CACNA1C: variants seen among roughly 807,000 people sequenced by gnomAD.
CACNA1C encodes the protein calcium voltage-gated channel subunit alpha1 C, also known as voltage-dependent L-type calcium channel subunit alpha-1C.
In CACNA1C, 30 loss-of-function variants were observed where a neutral mutation model predicts 229.0. That is an observed-to-expected ratio of 0.13 (90% CI 0.10 to 0.18). CACNA1C has a LOEUF of 0.18. Ranked by LOEUF, CACNA1C falls within the 10% of genes least tolerant of loss-of-function variation. The pLI is 1.00. For synonymous variants in CACNA1C, 1,114 were observed against 1,132.5 expected (o/e 0.98, Z 0.33); for missense variants, 1,658 against 2,845.0 (o/e 0.58, Z 9.49).
chr12:2,332,129 TC>T (rs2096567163), intron 3 of CACNA1C, among the ~76,000 whole-genome samples: 1 of 152,216 alleles, frequency 6.6e-6, no homozygotes, highest in Admixed American at 6.5e-5. Context: ...ATAAAGGACA[TC>T]CTGTTTGGAA....
At chr12:2,208,283 C>T (rs1416356509) in intron 3 of CACNA1C, among the ~76,000 whole-genome samples, 3 of 152,204 alleles carry the variant, frequency 2.0e-5, no homozygotes, top group African/African-American at 7.2e-5. Context: ...CAACATGATT[C>T]AAGGTAGAAA....
chr12:2,629,739 G>C (rs1190184702), intron 29 of CACNA1C, among the ~76,000 whole-genome samples: 1 of 152,190 alleles, frequency 6.6e-6, no homozygotes, highest in African/African-American at 2.4e-5. Context: ...TCAGGGCATG[G>C]ACAACCAAAA....
chr12:2,237,790 C>T (rs938637993), intron 3 of CACNA1C, among the ~76,000 whole-genome samples: 3 of 152,250 alleles, frequency 2.0e-5, no homozygotes, highest in Non-Finnish European at 2.9e-5. Context: ...GCCAACAGCA[C>T]TGTTTTTACT....
At position 2,354,628 on chromosome 12, in the gene CACNA1C, T is replaced by C. The variant is rs184623504; in HGVS notation, c.478-94348T>C. Among the ~76,000 whole-genome samples, 463 of 152,098 alleles carry C rather than the reference T, an allele frequency of 3.0e-3. 5 individuals are homozygous for C. Among genetic ancestry groups the C allele is most frequent in the African/African-American group, 0.011 (444 of 41,492 alleles). On this transcript the variant is annotated intron_variant, in intron 3 of 46. Coordinates refer to ENST00000399655, the MANE Select transcript of CACNA1C (RefSeq NM_000719.7). The surrounding 1 kb of genome is among the most constrained non-coding windows in gnomAD (Gnocchi z 4.6). ...TGGTTGGGAGAGCCCAGGAACGGAG[T>C]CCATCCTTTCTCCTGGCCTCCAGGG...
chr12:2,394,276 C>CTGG (rs1345913563), intron 3 of CACNA1C, among the ~76,000 whole-genome samples: 2 of 152,206 alleles, frequency 1.3e-5, no homozygotes, highest in African/African-American at 2.4e-5. Flanking sequence ...GACGCAGGAG[C>CTGG]TGGTCCCTGG....
At chr12:2,501,039 T>C (rs1464982943) in intron 7 of CACNA1C, among the ~76,000 whole-genome samples, 9 of 146,716 alleles carry the variant, frequency 6.1e-5, no homozygotes, top group Non-Finnish European at 1.2e-4. Flanking sequence ...ACCCCGTCTC[T>C]ACTTTAAAAA....
At chr12:2,192,971 CTG>C (rs1263951944) in intron 3 of CACNA1C, among the ~76,000 whole-genome samples, 2 of 152,240 alleles carry the variant, frequency 1.3e-5, no homozygotes, top group Non-Finnish European at 2.9e-5. Flanking sequence ...TTTTAAACAG[CTG>C]TCTGTTTGAG....
intron 3 of CACNA1C, among the ~76,000 whole-genome samples, chr12:2,188,635 A>G (rs2097117306): frequency 6.6e-6 from 1 of 152,166 alleles, no homozygotes; most frequent in Non-Finnish European, 1.5e-5. Flanking sequence ...GTTTCAGCAA[A>G]TTGATATTCG....
chr12:2,663,608 G>A (rs940317716), intron 34 of CACNA1C, among the ~76,000 whole-genome samples: 3 of 152,114 alleles, frequency 2.0e-5, no homozygotes, highest in African/African-American at 7.2e-5. Flanking sequence ...GATCAAAGAC[G>A]ACTGCTTGGG....
chr12:2,684,211 G>GA (rs1395146776), intron 43 of CACNA1C, among the ~76,000 whole-genome samples: 1 of 152,148 alleles, frequency 6.6e-6, no homozygotes, highest in Non-Finnish European at 1.5e-5. Context: ...ATAGAAAGAA[G>GA]AATCGAGTGA....
At chr12:2,316,245 C>T (rs1342150943) in intron 3 of CACNA1C, among the ~76,000 whole-genome samples, 2 of 152,222 alleles carry the variant, frequency 1.3e-5, no homozygotes, top group African/African-American at 4.8e-5. Flanking sequence ...TTTGCCATCT[C>T]TTATCTGTAT....
intron 4 of CACNA1C, among the ~76,000 whole-genome samples, chr12:2,454,866 C>T (rs189099653): frequency 6.6e-6 from 1 of 152,328 alleles, no homozygotes; most frequent in African/African-American, 2.4e-5. Flanking sequence ...AAGATGCAAT[C>T]AGAAGAAACT....
chr12:2,207,961 A>G, intron 3 of CACNA1C, among the ~76,000 whole-genome samples: 1 of 152,186 alleles, frequency 6.6e-6, no homozygotes, highest in East Asian at 1.9e-4. Context: ...GTTTTTAGGG[A>G]GACAGAACAA....
intron 3 of CACNA1C, among the ~76,000 whole-genome samples, chr12:2,400,687 C>G (rs1265157977): frequency 6.6e-6 from 1 of 152,138 alleles, no homozygotes; most frequent in Non-Finnish European, 1.5e-5. Context: ...TTGAAGCATT[C>G]TTCCCTCTTA....
At chr12:2,660,433 C>A (rs1377570237) in intron 34 of CACNA1C, 1 of 152,844 alleles carries the variant, frequency 6.5e-6, no homozygotes, top group Non-Finnish European at 1.5e-5. Context: ...ATGTCAGGAA[C>A]CCAGGACCAA....
chr12:2,507,537 T>G (rs1315283080), intron 8 of CACNA1C, among the ~76,000 whole-genome samples: 1 of 152,240 alleles, frequency 6.6e-6, no homozygotes, highest in Non-Finnish European at 1.5e-5. Context: ...CACCCACTTA[T>G]TCATCAGACT....
intron 1 of CACNA1C, among the ~76,000 whole-genome samples, chr12:1,973,900 C>T (rs546493099): frequency 1.1e-4 from 17 of 152,300 alleles, no homozygotes; most frequent in African/African-American, 3.6e-4. Flanking sequence ...CCTAATACAT[C>T]TTTTCCTTCT....
chr12:2,315,661 G>T (rs1402917782), intron 3 of CACNA1C, among the ~76,000 whole-genome samples: 2 of 152,160 alleles, frequency 1.3e-5, no homozygotes, highest in East Asian at 3.9e-4. Context: ...GAAGGGCTTG[G>T]GGGAAGGGGT....
intron 3 of CACNA1C, among the ~76,000 whole-genome samples, chr12:2,177,995 G>C (rs2096720118): frequency 6.6e-6 from 1 of 152,142 alleles, no homozygotes; most frequent in Admixed American, 6.5e-5. Flanking sequence ...ATGAAGATGA[G>C]ACACACCAAG....
Sources: gnomAD v4.1 joint callset for allele counts (sites outside exome capture counted in the v4.1 genomes callset) on GRCh38, gnomAD v4.1.1 for gene constraint, Gnocchi (gnomAD v3.1) non-coding constraint, MANE v1.5 for transcripts, NCBI Gene and HGNC (gene_info 2026-07-23, HGNC 2026-07-21) for gene names.